Variants in TNKS1BP1 observed in about 807,000 individuals in gnomAD.
The protein encoded by TNKS1BP1 is 182 kDa tankyrase-1-binding protein.
TNKS1BP1 carries 48 observed loss-of-function variants against 141.1 expected under a neutral mutation model. The observed-to-expected ratio is 0.34, with a 90% CI of 0.27 to 0.43. TNKS1BP1 has a LOEUF of 0.43. TNKS1BP1 is among the 20% of genes least tolerant of loss of function. The probability of loss-of-function intolerance (pLI) is 1.00; values close to 1 mark genes in which losing one functional copy is unlikely to be tolerated. For synonymous variants in TNKS1BP1, 875 were observed against 898.2 expected (o/e 0.97, Z 0.46); for missense variants, 2,149 against 2,226.0 (o/e 0.97, Z 0.70).
chr11:57,306,451 C>T (rs925056949), intron 6 of TNKS1BP1, among the ~76,000 whole-genome samples: 4 of 152,184 alleles, frequency 2.6e-5, no homozygotes, highest in Non-Finnish European at 5.9e-5. Flanking sequence ...GTCTTCTGTA[C>T]GGCCACAGAG....
At chr11:57,316,412 C>T (rs555511859) in intron 4 of TNKS1BP1, among the ~76,000 whole-genome samples, 3 of 152,278 alleles carry the variant, frequency 2.0e-5, no homozygotes, top group South Asian at 2.1e-4. Context: ...CCCTTGAAGG[C>T]CAGACTCGAC....
intron 4 of TNKS1BP1, among the ~76,000 whole-genome samples, chr11:57,317,291 G>C (rs1855813275): frequency 6.6e-6 from 1 of 152,228 alleles, no homozygotes; most frequent in South Asian, 2.1e-4. Context: ...CAAGAAAGCA[G>C]GCTGACCATC....
At chr11:57,304,650 A>G (rs1177873376) in intron 6 of TNKS1BP1, among the ~76,000 whole-genome samples, 1 of 149,960 alleles carries the variant, frequency 6.7e-6, no homozygotes, top group Admixed American at 6.6e-5. Flanking sequence ...CAGGCGGATC[A>G]CCTGAGGTCA....
At chr11:57,323,048 A>T (rs778737352) in intron 1 of TNKS1BP1, among the ~76,000 whole-genome samples, 11 of 152,282 alleles carry the variant, frequency 7.2e-5, no homozygotes, top group South Asian at 2.1e-4. Flanking sequence ...CAACTGAAAA[A>T]TGGGATTATT....
chr11:57,307,183 T>C (rs12804022), intron 6 of TNKS1BP1, among the ~76,000 whole-genome samples: 5,400 of 152,052 alleles, frequency 0.036, 148 homozygotes, highest in Non-Finnish European at 0.047. Context: ...GCCTGGACTC[T>C]CCCCTGCACC....
At position 57,301,300 on chromosome 11, in the gene TNKS1BP1, G is replaced by A. The variant is rs192964108; in HGVS notation, c.4972-259C>T. On this transcript the variant is annotated intron_variant, in intron 9 of 11. Transcript: ENST00000358252. ...AACTGGGTGGGACAAAGCCAGTGGT[G>A]ACTTCCCACCCCTGTTCCCTCTGCC... is the stretch of plus-strand genomic sequence containing the variant. Among the ~76,000 whole-genome samples the A allele has an allele frequency of 7.8e-3, 1,180 of 152,202 alleles. 55 individuals carry two copies. Among genetic ancestry groups the A allele is most frequent in the Admixed American group, 0.065 (996 of 15,296 alleles).
chr11:57,312,351 G>A (rs553552516), intron 5 of TNKS1BP1, among the ~76,000 whole-genome samples, 183 bp downstream of exon 5: 13 of 152,196 alleles, frequency 8.5e-5, no homozygotes, highest in African/African-American at 2.7e-4. Context: ...AGCCTCACAC[G>A]AAACCCCACA....
chr11:57,310,693 A>C, intron 5 of TNKS1BP1, 137 bp from the exon 6 acceptor site: 1 of 1,153,920 alleles, frequency 8.7e-7, no homozygotes, highest in Non-Finnish European at 1.2e-6. Flanking sequence ...ACCTTGAGCA[A>C]ATCACTTAAC....
Position 57,315,073 on chromosome 11 carries a change from A to T in TNKS1BP1, c.799-1184T>A, listed in dbSNP as rs114891889. Among the ~76,000 whole-genome samples the T allele has an allele frequency of 5.7e-3, 866 of 152,190 alleles. 8 individuals are homozygous for T. Among genetic ancestry groups the T allele is most frequent in the African/African-American group, 0.02 (827 of 41,502 alleles). On this transcript the variant is annotated intron_variant, in intron 4 of 11. Coordinates refer to ENST00000358252, the MANE Select transcript of TNKS1BP1 (RefSeq NM_033396.3). ...ATCATTGTTGTGATAGCTTACAGTC[A>T]TCTCCATAGCCAGATGCGACCCTTC...
At chr11:57,304,776 G>A (rs1481799844) in intron 6 of TNKS1BP1, among the ~76,000 whole-genome samples, 1 of 147,798 alleles carries the variant, frequency 6.8e-6, no homozygotes, top group Non-Finnish European at 1.5e-5. Flanking sequence ...GGAGACTGAG[G>A]CAGGAGAATC....
chr11:57,320,845 G>T, intron 2 of TNKS1BP1, 133 bp from the exon 3 acceptor site: 3 of 1,071,446 alleles, frequency 2.8e-6, no homozygotes, highest in East Asian at 2.7e-5. Context: ...CAAGTCATAT[G>T]CCACCTCTTC....
Position 57,310,507 on chromosome 11 carries a change from G to A in TNKS1BP1, c.2204C>T (p.Thr735Ile), listed in dbSNP as rs149275251. The change falls in exon 6 of 12, where the codon ACA (threonine) becomes ATA (isoleucine). Residue 735 changes from threonine (T) to isoleucine (I), a missense_variant. Thr to Ile is a moderately conservative substitution (Grantham distance 89). Coordinates refer to ENST00000358252, the MANE Select transcript of TNKS1BP1 (RefSeq NM_033396.3). ...GAAACTGCTGGGCTGTGGGTCTCCT[G>A]TGATCCCAAATTCACTCTGCAGATC... ...QKDLQSEFGI[T>I]GDPQPSSFSP... 196 of 1,609,210 alleles carry A rather than the reference G, an allele frequency of 1.2e-4. No homozygotes were observed. Among genetic ancestry groups the A allele is most frequent in the Non-Finnish European group, 1.6e-4 (186 of 1,180,002 alleles).
rs1230443896 is a variant in TNKS1BP1 at position 57,301,703 on chromosome 11, G to A, written c.4971+104C>T. On this transcript the variant is annotated intron_variant, in intron 9 of 11. Coordinates refer to ENST00000358252, the MANE Select transcript of TNKS1BP1 (RefSeq NM_033396.3). ...GGAGAGTGAGAGGAGGAATGGGAGA[G>A]GGGGACAGGGGAATGAATTGATGGA... 3.3e-5 allele frequency: 48 copies of A among 1,458,470 alleles called. No homozygotes were observed. The East Asian group carries it at 9.9e-4, about 30-fold the overall frequency. 90.3% of individuals were successfully genotyped at this position (1,458,470 alleles called of 1,614,324 possible).
rs921978423 is a variant in TNKS1BP1, at chr11:57,309,571, C to A, written c.3140G>T (p.Ser1047Ile). 3.1e-6 allele frequency: 5 copies of A among 1,613,330 alleles called. No individual in the cohort carries two copies. The highest frequency in any genetic ancestry group is 4.2e-6 in the Non-Finnish European group (5 of 1,180,038). Residue 1047 changes from serine to isoleucine, a missense_variant, in exon 6 of 12, where the codon AGC (serine) becomes ATC (isoleucine). By Grantham distance (142) the Ser-to-Ile change is moderately radical (BLOSUM62 -2). Coordinates refer to ENST00000358252, the MANE Select transcript of TNKS1BP1 (RefSeq NM_033396.3). This position sits in a 1 kb window ranked among gnomAD's most constrained non-coding sequence, Gnocchi z 4.3. The stretch of plus-strand genomic sequence containing the variant: ...CTGGCTAGCATCACTGTTTTGCCAG[C>A]TGCTCTGGTCTCTCTGCCCGAGTGC... ...DGALGQRDQS[S>I]WQNSDASQEV...
intron 4 of TNKS1BP1, among the ~76,000 whole-genome samples, chr11:57,316,469 T>A (rs1218955504): frequency 3.9e-5 from 6 of 152,016 alleles, no homozygotes; most frequent in African/African-American, 1.5e-4. Context: ...CTGAAAACCA[T>A]CTCAAATTCA....
In TNKS1BP1 at chr11:57,309,543, CTCCTGGCTAGCA is replaced by C; in HGVS notation, c.3156_3167del (p.Asp1052_Gln1055del). 6.2e-7 allele frequency: 1 copy of C among 1,613,536 alleles called. No homozygotes were observed. Among genetic ancestry groups the C allele is most frequent in the South Asian group, 1.1e-5 (1 of 91,088 alleles). ...GCTGTCTCTCCTGATGCCCTCCCAC[CTCCTGGCTAGCA>C]TCACTGTTTTGCCAGCTGCTCTGGT... On this transcript the variant is annotated inframe_deletion, in exon 6 of 12. Coordinates refer to ENST00000358252, the MANE Select transcript of TNKS1BP1 (RefSeq NM_033396.3). The surrounding 1 kb of genome is among the most constrained non-coding windows in gnomAD (Gnocchi z 4.3).
chr11:57,301,326 T>G (rs1855521256), intron 9 of TNKS1BP1, among the ~76,000 whole-genome samples: 1 of 152,116 alleles, frequency 6.6e-6, no homozygotes, highest in African/African-American at 2.4e-5. Context: ...TCCCTCTGCC[T>G]GCAATGCCAC....
At chr11:57,324,695 C>T in intron 1 of TNKS1BP1, 145 bp downstream of exon 1, 1 of 834,662 alleles carries the variant, frequency 1.2e-6, no homozygotes, top group Non-Finnish European at 1.4e-6. Context: ...CGCCCTCGGC[C>T]CCTGCAAACT....
At chr11:57,324,698 T>C in intron 1 of TNKS1BP1, 142 bp downstream of exon 1, 1 of 873,150 alleles carries the variant, frequency 1.1e-6, no homozygotes, top group Non-Finnish European at 1.4e-6. Context: ...CCTCGGCCCC[T>C]GCAAACTTTC....
Sources: allele counts gnomAD v4.1 joint callset (sites outside exome capture counted in the v4.1 genomes callset), GRCh38; gene constraint gnomAD v4.1.1; non-coding constraint Gnocchi (gnomAD v3.1); transcripts MANE v1.5; gene names NCBI Gene and HGNC (gene_info 2026-07-23, HGNC 2026-07-21).